The following SLC71A2 variants were observed in gnomAD, a reference collection of about 807,000 sequenced individuals.
SLC71A2 encodes hippocampus abundant transcript-like 1.
At chr9:94,386,689 T>C in the SLC71A2 span, among the ~76,000 whole-genome samples, 1 of 152,014 alleles carries the variant, frequency 6.6e-6, no homozygotes. Context: ...GTCTGGGTTC[T>C]TCCTACCAGA....
chr9:94,379,925 C>T, the SLC71A2 span, among the ~76,000 whole-genome samples: 1 of 152,248 alleles, frequency 6.6e-6, no homozygotes, highest in Admixed American at 6.5e-5. Context: ...ATCCTTTTGG[C>T]TGTATACACG....
the SLC71A2 span, among the ~76,000 whole-genome samples, chr9:94,415,995 A>G: frequency 1.3e-5 from 2 of 152,204 alleles, no homozygotes; most frequent in African/African-American, 4.8e-5. Flanking sequence ...AGGAGTGTCT[A>G]AATTTCAGTT....
chr9:94,382,087 C>T, the SLC71A2 span, among the ~76,000 whole-genome samples: 2 of 151,816 alleles, frequency 1.3e-5, no homozygotes, highest in African/African-American at 2.4e-5. Context: ...AGTGCGGTGG[C>T]GTGATCTTGG....
the SLC71A2 span, among the ~76,000 whole-genome samples, chr9:94,414,223 G>C: frequency 2.6e-5 from 4 of 152,174 alleles, no homozygotes; most frequent in Non-Finnish European, 5.9e-5. Context: ...AATAAGATTT[G>C]TATTTTTAAA....
chr9:94,377,707 C>T, the SLC71A2 span, among the ~76,000 whole-genome samples: 1 of 151,532 alleles, frequency 6.6e-6, no homozygotes, highest in South Asian at 2.1e-4. Context: ...CCTTATTTGG[C>T]AAAGAGATAT....
the SLC71A2 span, among the ~76,000 whole-genome samples, chr9:94,415,471 T>G: frequency 0.51 from 77,893 of 151,420 alleles, 20,283 homozygotes; most frequent in Admixed American, 0.61. Context: ...GCACTCTTAT[T>G]GAAGTAAACT....
the SLC71A2 span, chr9:94,458,231 T>C: frequency 9.0e-7 from 1 of 1,111,024 alleles, no homozygotes; most frequent in South Asian, 1.6e-5. Context: ...GCCGAATTAG[T>C]GTATCATGGT....
the SLC71A2 span, among the ~76,000 whole-genome samples, chr9:94,406,903 T>G: frequency 6.6e-6 from 1 of 152,220 alleles, no homozygotes; most frequent in Admixed American, 6.5e-5. Flanking sequence ...TTCTTTTTCT[T>G]GCCGTATTAC....
At chr9:94,401,890 A>AT in the SLC71A2 span, among the ~76,000 whole-genome samples, 7 of 152,194 alleles carry the variant, frequency 4.6e-5, no homozygotes, top group African/African-American at 1.7e-4. Flanking sequence ...GCTGGTGCCC[A>AT]TTTTTATGGC....
chr9:94,424,727 C>CTTTTTTTTTTTTTTTTTT, the SLC71A2 span, among the ~76,000 whole-genome samples: 2 of 91,818 alleles, frequency 2.2e-5, no homozygotes, highest in Non-Finnish European at 4.0e-5. Flanking sequence ...TTGTTTTCTG[C>CTTTTTTTTTTTTTTTTTT]TTTTTTTTTT....
At chr9:94,444,395 T>TG in the SLC71A2 span, among the ~76,000 whole-genome samples, 321 of 152,330 alleles carry the variant, frequency 2.1e-3, no homozygotes, top group Middle Eastern at 3.4e-3. Flanking sequence ...CAACAAATTC[T>TG]TTGTTGTTGT....
the SLC71A2 span, among the ~76,000 whole-genome samples, chr9:94,405,410 G>T: frequency 6.6e-6 from 1 of 151,376 alleles, no homozygotes; most frequent in East Asian, 1.9e-4. Context: ...CAGGAGAATG[G>T]CATGAACCCG....
the SLC71A2 span, among the ~76,000 whole-genome samples, chr9:94,445,625 T>A: frequency 6.7e-6 from 1 of 150,280 alleles, no homozygotes; most frequent in East Asian, 1.9e-4. Flanking sequence ...CTATAATATG[T>A]CTCTCTCTCC....
the SLC71A2 span, among the ~76,000 whole-genome samples, chr9:94,392,900 T>C: frequency 6.6e-6 from 1 of 151,564 alleles, no homozygotes; most frequent in Non-Finnish European, 1.5e-5. Flanking sequence ...TGGTCACATT[T>C]TGTGTCTGGG....
chr9:94,408,228 G>C, the SLC71A2 span, among the ~76,000 whole-genome samples: 1 of 152,178 alleles, frequency 6.6e-6, no homozygotes, highest in Non-Finnish European at 1.5e-5. Context: ...TAAGCCCATC[G>C]TAGGTTGAAT....
chr9:94,443,542 TACTA>T, the SLC71A2 span, among the ~76,000 whole-genome samples: 1 of 73,178 alleles, frequency 1.4e-5, no homozygotes, highest in East Asian at 4.6e-4. Flanking sequence ...AGTTAACACT[TACTA>T]AGAGTTTGTT....
the SLC71A2 span, among the ~76,000 whole-genome samples, chr9:94,407,297 T>A: frequency 6.6e-6 from 1 of 152,202 alleles, no homozygotes; most frequent in Admixed American, 6.5e-5. Context: ...ATAAACTGCT[T>A]AATAAACTGT....
chr9:94,405,953 CTTCTTTAAT>C, the SLC71A2 span, among the ~76,000 whole-genome samples: 1 of 150,174 alleles, frequency 6.7e-6, no homozygotes, highest in African/African-American at 2.5e-5. Context: ...TTATTTATAC[CTTCTTTAAT>C]TTCTTTCAGC....
chr9:94,374,859 G>C, the SLC71A2 span: 17 of 986,876 alleles, frequency 1.7e-5, no homozygotes, highest in Non-Finnish European at 2.1e-5. Context: ...GGAGAAGGCG[G>C]CGTCGGAGCC....
Sources: allele counts gnomAD v4.1 joint callset (sites outside exome capture counted in the v4.1 genomes callset), GRCh38; gene constraint gnomAD v4.1.1; transcripts MANE v1.5; gene names NCBI Gene and HGNC (gene_info 2026-07-23, HGNC 2026-07-21).